The following ZFHX3 variants were observed in gnomAD, a reference collection of about 807,000 sequenced individuals.
ZFHX3 encodes the protein zinc finger homeobox protein 3.
ZFHX3 carries 42 observed loss-of-function variants against 279.1 expected under a neutral mutation model. That is an observed-to-expected ratio of 0.15 (90% confidence interval 0.12 to 0.19). ZFHX3 has a LOEUF of 0.19. Among genes scored for constraint, ZFHX3 ranks in the 10% least tolerant of loss-of-function variants. The pLI is 1.00. For missense variants in ZFHX3, 4,981 were observed against 4,754.0 expected (o/e 1.05, Z -1.40); for synonymous variants, 2,293 against 1,957.8 (o/e 1.17, Z -4.52).
intron 1 of ZFHX3, among the ~76,000 whole-genome samples, chr16:73,840,208 G>A (rs1356770724): frequency 6.6e-6 from 1 of 152,134 alleles, no homozygotes; most frequent in Non-Finnish European, 1.5e-5. Flanking sequence ...AACGTAGCAG[G>A]GAGGTAAGAT....
intron 2 of ZFHX3, among the ~76,000 whole-genome samples, chr16:73,655,859 C>T (rs971417974): frequency 2.0e-5 from 3 of 152,150 alleles, no homozygotes; most frequent in African/African-American, 7.2e-5. Flanking sequence ...ATTATTTCTA[C>T]TCCTGGGTAC....
intron 8 of ZFHX3, among the ~76,000 whole-genome samples, chr16:73,066,441 C>A (rs919925989): frequency 6.6e-6 from 1 of 152,122 alleles, no homozygotes; most frequent in Admixed American, 6.5e-5. Context: ...TTTTTTCCTG[C>A]GGGCTCTGGA....
chr16:73,435,832 G>C (rs1264056792), intron 3 of ZFHX3, among the ~76,000 whole-genome samples: 1 of 152,178 alleles, frequency 6.6e-6, no homozygotes, highest in East Asian at 1.9e-4. Context: ...TTTGGGGTCA[G>C]GGGTATCTGC....
At chr16:73,447,846 C>T (rs549869487) in intron 3 of ZFHX3, among the ~76,000 whole-genome samples, 64 of 152,242 alleles carry the variant, frequency 4.2e-4, no homozygotes, top group African/African-American at 1.4e-3. Context: ...TTAATAATGG[C>T]AAACTTGTCC....
intron 2 of ZFHX3, chr16:73,500,119 C>A (rs571764308): frequency 1.3e-5 from 2 of 152,218 alleles, no homozygotes; most frequent in African/African-American, 4.8e-5. Context: ...GTACAACAGC[C>A]CCAGGCAAGT....
intron 2 of ZFHX3, among the ~76,000 whole-genome samples, chr16:73,481,748 C>G (rs997861681): frequency 3.9e-5 from 6 of 152,164 alleles, no homozygotes; most frequent in African/African-American, 1.4e-4. Context: ...CCACCTCTGC[C>G]TCTCAAAGTC....
intron 5 of ZFHX3, among the ~76,000 whole-genome samples, chr16:73,216,926 C>A: frequency 6.6e-6 from 1 of 152,104 alleles, no homozygotes; most frequent in East Asian, 1.9e-4. Context: ...TGCAAATATC[C>A]CTGAAGGTCG....
At chr16:73,866,073 C>G (rs1962011193) in intron 1 of ZFHX3, among the ~76,000 whole-genome samples, 1 of 150,526 alleles carries the variant, frequency 6.6e-6, no homozygotes, top group African/African-American at 2.4e-5. Flanking sequence ...TTAAAACACA[C>G]TTTTTTTGAG....
At chr16:72,871,760 AACC>A (rs1222885293) in intron 4 of ZFHX3, among the ~76,000 whole-genome samples, 4 of 149,836 alleles carry the variant, frequency 2.7e-5, no homozygotes, top group African/African-American at 9.7e-5. Flanking sequence ...TACAGGTGTG[AACC>A]ACCAAGCCTG....
At chr16:73,316,939 C>A (rs955884483) in intron 4 of ZFHX3, among the ~76,000 whole-genome samples, 1 of 151,978 alleles carries the variant, frequency 6.6e-6, no homozygotes, top group Non-Finnish European at 1.5e-5. Context: ...TGCTGTTGGC[C>A]CTTTTGTGAG....
chr16:73,314,092 C>T (rs868385730), intron 4 of ZFHX3, among the ~76,000 whole-genome samples: 4 of 152,160 alleles, frequency 2.6e-5, no homozygotes, highest in Non-Finnish European at 2.9e-5. Context: ...GAGAGAGACC[C>T]TGTCTCAAAA....
chr16:73,891,819 TA>T, exon 1 of ZFHX3: 1 of 143,934 alleles, frequency 6.9e-6, no homozygotes, highest in East Asian at 2.1e-4. Flanking sequence ...ATAAAAAAAA[TA>T]AAAAAGACAA....
At chr16:73,016,882 A>T (rs1221120156) in intron 1 of ZFHX3, among the ~76,000 whole-genome samples, 1 of 151,976 alleles carries the variant, frequency 6.6e-6, no homozygotes, top group Non-Finnish European at 1.5e-5. Flanking sequence ...TGTATATCCC[A>T]AGAGAGTTTG....
At chr16:73,322,738 T>C (rs1011437095) in intron 3 of ZFHX3, among the ~76,000 whole-genome samples, 1 of 152,212 alleles carries the variant, frequency 6.6e-6, no homozygotes, top group Non-Finnish European at 1.5e-5. Flanking sequence ...CCATTCCCTA[T>C]TTACTGAACG....
At chr16:73,131,729 G>A (rs1038860010) in intron 6 of ZFHX3, among the ~76,000 whole-genome samples, 4 of 152,170 alleles carry the variant, frequency 2.6e-5, no homozygotes, top group African/African-American at 9.7e-5. Flanking sequence ...GCAGCAGGGA[G>A]TTACGAAAAG....
chr16:73,303,245 C>G lies in ZFHX3; in HGVS notation c.-1194+14995G>C, dbSNP rs148831757. Among the ~76,000 whole-genome samples the G allele has an allele frequency of 4.4e-3, 668 of 152,218 alleles. 1 individual carries two copies. The highest frequency in any genetic ancestry group is 7.6e-3 in the Non-Finnish European group (519 of 68,008). ...GTCTTGCTGTGTTGCCCAGGCTGGT[C>G]TTGAACTCCTAGCTCCAAGCAATTC... On this transcript the variant is annotated intron_variant, in intron 4 of 17. Transcript: ENST00000641206.
chr16:73,137,236 C>G (rs946459623), intron 6 of ZFHX3: 1 of 152,152 alleles, frequency 6.6e-6, no homozygotes, highest in African/African-American at 2.4e-5. Context: ...CATTTGCAAG[C>G]CTCTCTCACC....
chr16:73,553,975 C>A (rs958673576), intron 2 of ZFHX3, among the ~76,000 whole-genome samples: 1 of 152,178 alleles, frequency 6.6e-6, no homozygotes, highest in Non-Finnish European at 1.5e-5. Context: ...GCATTTCACA[C>A]GGTTGTTTAT....
At chr16:73,423,146 AG>A (rs1371067643) in intron 3 of ZFHX3, among the ~76,000 whole-genome samples, 1 of 152,158 alleles carries the variant, frequency 6.6e-6, no homozygotes, top group Admixed American at 6.5e-5. Context: ...ACTGAGGGTT[AG>A]GACTTCAACA....
Sources: allele counts gnomAD v4.1 joint callset (sites outside exome capture counted in the v4.1 genomes callset), GRCh38; gene constraint gnomAD v4.1.1; transcripts MANE v1.5; gene names NCBI Gene and HGNC (gene_info 2026-07-23, HGNC 2026-07-21).